Variants in DDB1 observed in about 807,000 individuals in gnomAD.
DDB1 encodes damage specific DNA binding protein 1, also known as DNA damage-binding protein 1.
DDB1 carries 18 observed loss-of-function variants against 133.1 expected under a neutral mutation model. The observed-to-expected ratio is 0.14, with a 90% CI of 0.09 to 0.20. DDB1 has a LOEUF of 0.20. DDB1 is among the 10% of genes least tolerant of loss of function. DDB1 has a pLI of 1.00. For synonymous variants in DDB1, 580 were observed against 550.5 expected (o/e 1.05, Z -0.75); for missense variants, 828 against 1,459.2 (o/e 0.57, Z 7.05).
At chr11:61,322,964 A>G (rs1280038922) in intron 8 of DDB1, 47 bp downstream of exon 8, 4 of 1,494,100 alleles carry the variant, frequency 2.7e-6, no homozygotes, top group Non-Finnish European at 3.7e-6. Context: ...TTGATGAAGA[A>G]ACAGTGAGTA....
chr11:61,314,708 C>A, intron 12 of DDB1: 1 of 478,860 alleles, frequency 2.1e-6, no homozygotes, highest in Non-Finnish European at 3.6e-6. Context: ...TACAAACCTA[C>A]AGCTGGTGGG....
At chr11:61,302,854 G>A (rs1855823629) in intron 23 of DDB1, 103 bp from the exon 24 acceptor site, 6 of 1,468,840 alleles carry the variant, frequency 4.1e-6, no homozygotes, top group Non-Finnish European at 5.6e-6. Flanking sequence ...TCCCTGGGGA[G>A]CTGACATACT....
intron 16 of DDB1, 107 bp from the exon 17 acceptor site, chr11:61,312,191 G>T: frequency 1.1e-6 from 1 of 914,776 alleles, no homozygotes; most frequent in Non-Finnish European, 1.8e-6. Context: ...CACCAGCTTT[G>T]ACTCCATGCT....
Position 61,300,094 on chromosome 11 carries a change from A to G in DDB1, c.*42T>C, listed in dbSNP as rs1855767023. ...AGAGGAGGGGGAGGGCAGCAGGGCA[A>G]AGCCTTTGGGGAGGGTCAGCAAAGG... On this transcript the variant is annotated 3_prime_UTR_variant, in exon 27 of 27. Coordinates refer to ENST00000301764, the MANE Select transcript of DDB1 (RefSeq NM_001923.5). The G allele has an allele frequency of 6.2e-7, 1 of 1,603,718 alleles. No homozygotes were observed. The highest frequency in any genetic ancestry group is 1.3e-5 in the African/African-American group (1 of 74,850).
At chr11:61,324,159 T>A in intron 6 of DDB1, 22 bp from the exon 7 acceptor site, 3 of 1,613,564 alleles carry the variant, frequency 1.9e-6, no homozygotes, top group Non-Finnish European at 8.5e-7. Flanking sequence ...AAGGAAACAG[T>A]CATTAGAGAT....
At chr11:61,325,788 T>G (rs1856259946) in intron 5 of DDB1, 80 bp from the exon 6 acceptor site, 1 of 1,128,342 alleles carries the variant, frequency 8.9e-7, no homozygotes, top group Admixed American at 1.9e-5. Flanking sequence ...CAGGTCTAGT[T>G]AGCCCCAAGG....
chr11:61,313,367 A>T lies in DDB1; in HGVS notation c.2069+132T>A, dbSNP rs28720308. 1,466 of 810,404 alleles carry T rather than the reference A, an allele frequency of 1.8e-3. 17 individuals are homozygous for T. The African/African-American group carries it at 0.024, about 13-fold the overall frequency. 50.2% of individuals were successfully genotyped at this position (810,404 alleles called of 1,614,324 possible). A position where few individuals can be genotyped will look rare whatever the true frequency, so the allele number is the denominator to read the frequency against. ...TTTCTATTGGGTAGCCAGTTTTGAG[A>T]ACCTCTGCACTATACTTCCCATCTC... On this transcript the variant is annotated intron_variant, in intron 16 of 26. Transcript: ENST00000301764.
intron 6 of DDB1, among the ~76,000 whole-genome samples, chr11:61,324,669 G>A (rs1199820220): frequency 6.6e-6 from 1 of 152,098 alleles, no homozygotes. Context: ...ACAGGAACTT[G>A]CCACTGTAGC....
chr11:61,326,288 G>C (rs1012321684), intron 5 of DDB1: 4 of 226,670 alleles, frequency 1.8e-5, no homozygotes, highest in African/African-American at 7.2e-5. Context: ...AAAGAAATCA[G>C]ATAAGCTCTA....
At chr11:61,303,718 A>C (rs1027598048) in intron 22 of DDB1, 147 bp downstream of exon 22, 44 of 935,848 alleles carry the variant, frequency 4.7e-5, no homozygotes, top group Non-Finnish European at 6.3e-5. Context: ...AAAAAAAAAA[A>C]AAAAAACTTA....
At chr11:61,312,883 G>A (rs924720176) in intron 16 of DDB1, among the ~76,000 whole-genome samples, 1 of 152,104 alleles carries the variant, frequency 6.6e-6, no homozygotes, top group African/African-American at 2.4e-5. Flanking sequence ...ACAGGCATGA[G>A]CCACTGCACC....
At position 61,322,365 on chromosome 11, in the gene DDB1, T is replaced by C. The variant is rs753230527; in HGVS notation, c.1053A>G (p.Glu351=). ...CAATGGGTCCTAAGTTGGTAAAGGT[T>C]TCCATGGCCACTACATAGGAGCCTT... The part of the protein sequence containing the change: ...NEQGSYVVAM[E]TFTNLGPIVD... Residue 351 remains glutamate (E), a synonymous_variant, in exon 9 of 27, where the codon GAA becomes GAG. Coordinates refer to ENST00000301764, the MANE Select transcript of DDB1 (RefSeq NM_001923.5). 16 of 1,614,172 alleles carry C rather than the reference T, an allele frequency of 9.9e-6. No individual in the cohort carries two copies. The highest frequency in any genetic ancestry group is 3.3e-5 in the Admixed American group (2 of 60,012).
chr11:61,320,302 G>A (rs930340052), intron 10 of DDB1, among the ~76,000 whole-genome samples: 1 of 151,778 alleles, frequency 6.6e-6, no homozygotes, highest in African/African-American at 2.4e-5. Flanking sequence ...CCAGGTTCAA[G>A]TGCCTCTCCC....
At chr11:61,310,022 C>G in intron 19 of DDB1, 62 bp from the exon 20 acceptor site, 2 of 1,606,158 alleles carry the variant, frequency 1.2e-6, no homozygotes, top group Non-Finnish European at 1.7e-6. Context: ...CACACATAAC[C>G]CCGTATTTCT....
intron 21 of DDB1, among the ~76,000 whole-genome samples, chr11:61,305,290 C>T (rs889416275): frequency 2.6e-5 from 4 of 152,152 alleles, no homozygotes; most frequent in Non-Finnish European, 2.9e-5. Context: ...AGGCGGATCA[C>T]GAGGTCAGGA....
intron 6 of DDB1, 142 bp from the exon 7 acceptor site, chr11:61,324,279 A>G: frequency 1.2e-6 from 1 of 834,596 alleles, no homozygotes; most frequent in Non-Finnish European, 1.9e-6. Context: ...GAAAATGAGG[A>G]TAGATCCTAT....
Position 61,332,976 on chromosome 11 carries a change from C to G in DDB1, c.-8G>C, listed in dbSNP as rs1458523813. On this transcript the variant is annotated 5_prime_UTR_variant, in exon 1 of 27. Coordinates refer to ENST00000301764, the MANE Select transcript of DDB1 (RefSeq NM_001923.5). Reference sequence around the variant, plus strand: ...CACGTAGTTGTACGACATGTCGAGGCTTGGAGCGGCCCGTCGGGACTCGAG... The same window carrying G: ...CACGTAGTTGTACGACATGTCGAGGGTTGGAGCGGCCCGTCGGGACTCGAG... The G allele has an allele frequency of 6.6e-7, 1 of 1,505,962 alleles. No homozygotes were observed. The highest frequency in any genetic ancestry group is 2.7e-5 in the East Asian group (1 of 37,442). 93.3% of individuals were successfully genotyped at this position (1,505,962 alleles called of 1,614,324 possible).
intron 3 of DDB1, among the ~76,000 whole-genome samples, 155 bp from the exon 4 acceptor site, chr11:61,329,739 T>C (rs985839137): frequency 6.6e-6 from 1 of 152,224 alleles, no homozygotes; most frequent in African/African-American, 2.4e-5. Context: ...TGTCAGTGCA[T>C]GCCTTTTTCA....
intron 5 of DDB1, chr11:61,326,079 C>T: frequency 9.8e-6 from 3 of 307,452 alleles, no homozygotes; most frequent in South Asian, 6.3e-5. Flanking sequence ...AGCTTAACTT[C>T]CCCCCATTAT....
Sources: allele counts gnomAD v4.1 joint callset (sites outside exome capture counted in the v4.1 genomes callset), GRCh38; gene constraint gnomAD v4.1.1; transcripts MANE v1.5; gene names NCBI Gene and HGNC (gene_info 2026-07-23, HGNC 2026-07-21).